The following ST6GALNAC3 variants were observed in gnomAD, a reference collection of about 807,000 sequenced individuals.
The protein encoded by ST6GALNAC3 is ST6 N-acetylgalactosaminide alpha-2,6-sialyltransferase 3.
ST6GALNAC3 carries 25 observed loss-of-function variants against 32.7 expected under a neutral mutation model. The observed-to-expected ratio is 0.76, with a 90% CI of 0.56 to 1.07. The LOEUF is 1.07. ST6GALNAC3 is among the 50% of genes least tolerant of loss of function. The pLI is 0.00. For synonymous variants in ST6GALNAC3, 129 were observed against 133.1 expected (o/e 0.97, Z 0.21); for missense variants, 355 against 382.4 (o/e 0.93, Z 0.60).
intron 3 of ST6GALNAC3, among the ~76,000 whole-genome samples, chr1:76,427,320 A>C (rs989021303): frequency 2.0e-5 from 3 of 151,976 alleles, no homozygotes; most frequent in Non-Finnish European, 4.4e-5. Context: ...GTATTTCTCA[A>C]ATGTGCTCTG....
At position 76,596,532 on chromosome 1, in the gene ST6GALNAC3, T is replaced by C. The variant is rs576591920; in HGVS notation, c.624-30920T>C. On this transcript the variant is annotated intron_variant, in intron 3 of 4. Coordinates refer to ENST00000328299, the MANE Select transcript of ST6GALNAC3 (RefSeq NM_152996.4). ...ACTTCTAACTACAGGAAATGTAATG[T>C]AGACAAATTTGTATTTTCTTGTATT... Among the ~76,000 whole-genome samples the C allele has an allele frequency of 4.0e-4, 61 of 152,362 alleles. No individual in the cohort carries two copies. In the South Asian group the frequency reaches 0.012, roughly 29 times the overall value.
chr1:76,266,693 C>T (rs1022641287), intron 1 of ST6GALNAC3, among the ~76,000 whole-genome samples: 2 of 152,126 alleles, frequency 1.3e-5, no homozygotes, highest in Non-Finnish European at 2.9e-5. Flanking sequence ...TGATTTTAGC[C>T]ACCCATCTAA....
At chr1:76,338,612 A>G (rs1229072677) in intron 2 of ST6GALNAC3, among the ~76,000 whole-genome samples, 2 of 152,156 alleles carry the variant, frequency 1.3e-5, no homozygotes, top group African/African-American at 4.8e-5. Context: ...TTTGTTTATC[A>G]TAGCTGGGCA....
Position 76,266,370 on chromosome 1 carries a change from C to T in ST6GALNAC3, c.19-47435C>T, listed in dbSNP as rs76260022. ...CAAGTCTTTACTGCCGAAACTCTCG[C>T]CCTTGCCCTAGAAAGGTGTTGGGTC... On this transcript the variant is annotated intron_variant, in intron 1 of 4. Coordinates refer to ENST00000328299, the MANE Select transcript of ST6GALNAC3 (RefSeq NM_152996.4). Among the ~76,000 whole-genome samples the T allele has an allele frequency of 5.3e-4, 81 of 152,264 alleles. No individual in the cohort carries two copies. In the East Asian group the frequency reaches 0.012, roughly 23 times the overall value.
intron 3 of ST6GALNAC3, among the ~76,000 whole-genome samples, chr1:76,451,932 T>A (rs1005883390): frequency 2.6e-5 from 4 of 152,218 alleles, no homozygotes; most frequent in Non-Finnish European, 4.4e-5. Flanking sequence ...CTGATTGCCC[T>A]GGCTATGACT....
chr1:76,205,187 G>T (rs1347489580), intron 1 of ST6GALNAC3, among the ~76,000 whole-genome samples: 1 of 152,184 alleles, frequency 6.6e-6, no homozygotes, highest in African/African-American at 2.4e-5. Flanking sequence ...TAACCCTAAA[G>T]AACTTATGCA....
intron 1 of ST6GALNAC3, among the ~76,000 whole-genome samples, chr1:76,187,560 A>AGCAT (rs752187860): frequency 6.8e-4 from 104 of 152,194 alleles, no homozygotes; most frequent in Non-Finnish European, 1.3e-3. Context: ...GTGGCAGTGA[A>AGCAT]GCATTTACTT....
At chr1:76,200,666 AC>A (rs1225090852) in intron 1 of ST6GALNAC3, among the ~76,000 whole-genome samples, 1 of 152,202 alleles carries the variant, frequency 6.6e-6, no homozygotes, top group African/African-American at 2.4e-5. Flanking sequence ...AATGTTATTG[AC>A]ATTTTTCTGA....
At chr1:76,180,916 G>C (rs916015613) in intron 1 of ST6GALNAC3, among the ~76,000 whole-genome samples, 4 of 152,230 alleles carry the variant, frequency 2.6e-5, no homozygotes, top group Admixed American at 6.5e-5. Flanking sequence ...GGATATGAAA[G>C]GTGTCACGCT....
intron 1 of ST6GALNAC3, among the ~76,000 whole-genome samples, chr1:76,175,592 G>C (rs935556928): frequency 2.6e-5 from 4 of 151,520 alleles, no homozygotes; most frequent in African/African-American, 9.7e-5. Context: ...AGTTAAGGCA[G>C]TTCAAGGATG....
At chr1:76,624,327 AC>A (rs1199576933) in intron 3 of ST6GALNAC3, among the ~76,000 whole-genome samples, 1 of 151,920 alleles carries the variant, frequency 6.6e-6, no homozygotes. Flanking sequence ...CAGATGCCAA[AC>A]CCTGAAATTC....
intron 1 of ST6GALNAC3, among the ~76,000 whole-genome samples, chr1:76,178,375 A>T (rs1026691553): frequency 6.6e-5 from 10 of 152,144 alleles, no homozygotes; most frequent in Non-Finnish European, 1.5e-4. Flanking sequence ...AATTAGAAAA[A>T]CTCAGTGGAT....
In ST6GALNAC3 at chr1:76,231,310, A is replaced by AT. The variant is rs563092736; in HGVS notation, c.19-82486dup. ...ACCAAGCAAATGTTTGTTTTTTAAA[A>AT]TTTTTTTTTATTATTTTATCGTTAA... On this transcript the variant is annotated intron_variant, in intron 1 of 4. Transcript: ENST00000328299. 5.3e-5 allele frequency among the ~76,000 whole-genome samples: 8 copies of AT among 152,082 alleles called. No individual in the cohort carries two copies. The South Asian group carries it at 6.2e-4, about 12-fold the overall frequency.
intron 2 of ST6GALNAC3, among the ~76,000 whole-genome samples, chr1:76,380,347 G>A (rs138056948): frequency 5.9e-5 from 9 of 152,308 alleles, no homozygotes; most frequent in Middle Eastern, 3.4e-3. Flanking sequence ...GAATTGAACT[G>A]TATGACAGTG....
intron 2 of ST6GALNAC3, among the ~76,000 whole-genome samples, chr1:76,404,941 T>A (rs540056654): frequency 1.3e-5 from 2 of 152,238 alleles, no homozygotes; most frequent in African/African-American, 4.8e-5. Context: ...TGATTTTCAT[T>A]TAGAAATACT....
intron 1 of ST6GALNAC3, among the ~76,000 whole-genome samples, chr1:76,191,601 T>C (rs1653900783): frequency 6.6e-6 from 1 of 152,178 alleles, no homozygotes; most frequent in Admixed American, 6.5e-5. Flanking sequence ...TTGACCATTA[T>C]ACAACATATA....
At chr1:76,583,690 T>C (rs751858621) in intron 3 of ST6GALNAC3, among the ~76,000 whole-genome samples, 1 of 152,294 alleles carries the variant, frequency 6.6e-6, no homozygotes, top group East Asian at 1.9e-4. Flanking sequence ...ACTATGTGCT[T>C]AGGACGCTGT....
chr1:76,388,115 C>T (rs12562224), intron 2 of ST6GALNAC3, among the ~76,000 whole-genome samples: 31,460 of 150,870 alleles, frequency 0.21, 3,907 homozygotes, highest in East Asian at 0.62. Flanking sequence ...CAAACAGTTG[C>T]AAGTAAAAAA....
At chr1:76,508,276 G>A (rs1661605293) in intron 3 of ST6GALNAC3, among the ~76,000 whole-genome samples, 1 of 152,146 alleles carries the variant, frequency 6.6e-6, no homozygotes, top group African/African-American at 2.4e-5. Flanking sequence ...TAATGCTGCT[G>A]CTGATCTGAC....
Sources: allele counts gnomAD v4.1 joint callset (sites outside exome capture counted in the v4.1 genomes callset), GRCh38; gene constraint gnomAD v4.1.1; transcripts MANE v1.5; gene names NCBI Gene and HGNC (gene_info 2026-07-23, HGNC 2026-07-21).